The following MINAR1 variants were observed in gnomAD, a reference collection of about 807,000 sequenced individuals.
MINAR1 encodes membrane integral NOTCH2 associated receptor 1.
MINAR1 carries 40 observed loss-of-function variants against 65.1 expected under a neutral mutation model. That is an observed-to-expected ratio of 0.61 (90% CI 0.48 to 0.80). The LOEUF (loss-of-function observed/expected upper bound fraction) is 0.80, where lower values mean the gene tolerates loss of function less well. Among genes scored for constraint, MINAR1 ranks in the 30% least tolerant of loss-of-function variants. The pLI is 0.00. For synonymous variants in MINAR1, 482 were observed against 449.1 expected, an observed-to-expected ratio of 1.07 and a Z score of -0.93; for missense variants, 1,128 against 1,148.0, an observed-to-expected ratio of 0.98 and a Z score of 0.25.
At chr15:79,465,385 G>T (rs1895802652) in intron 3 of MINAR1, among the ~76,000 whole-genome samples, 1 of 152,072 alleles carries the variant, frequency 6.6e-6, no homozygotes, top group Non-Finnish European at 1.5e-5. Context: ...CCCACTTGAG[G>T]GCGTAGGCAA....
upstream of MINAR1, among the ~76,000 whole-genome samples, chr15:79,430,096 C>CGG: frequency 6.6e-6 from 1 of 152,234 alleles, no homozygotes; most frequent in African/African-American, 2.4e-5. Context: ...CTAGCCAACT[C>CGG]TGGCTGGAAC....
intron 1 of MINAR1, among the ~76,000 whole-genome samples, chr15:79,449,414 A>T (rs570806344): frequency 1.8e-4 from 28 of 152,218 alleles, no homozygotes; most frequent in Non-Finnish European, 3.7e-4. Context: ...AAGGAACAGA[A>T]ATTTACTTCT....
upstream of MINAR1, among the ~76,000 whole-genome samples, chr15:79,429,433 G>C (rs547793083): frequency 3.2e-4 from 48 of 152,300 alleles, 1 homozygote; most frequent in African/African-American, 9.6e-4. Context: ...CAAACTCAAG[G>C]CTGTTTCTTT....
chr15:79,452,874 G>T (rs1304997789), intron 1 of MINAR1, among the ~76,000 whole-genome samples: 2 of 148,084 alleles, frequency 1.4e-5, no homozygotes, highest in Admixed American at 6.7e-5. Context: ...TGAGTGTGAA[G>T]CTGTGTGAGT....
chr15:79,452,216 TGA>T (rs1322285389), intron 1 of MINAR1, among the ~76,000 whole-genome samples: 40 of 150,632 alleles, frequency 2.7e-4, no homozygotes, highest in African/African-American at 1.5e-4. Flanking sequence ...TGTGTGTGCT[TGA>T]GAGTGTGTAT....
Position 79,469,147 on chromosome 15 carries a change from T to C in MINAR1, c.*763T>C, listed in dbSNP as rs1895982838. On this transcript the variant is annotated 3_prime_UTR_variant, in exon 4 of 4. Transcript: ENST00000305428. ...GGAGCTGCCTGCTAACGATGTAAGGTCAGTATTTGAAAATCATGGCCACTC... is the reference window on the plus strand; with the variant it reads ...GGAGCTGCCTGCTAACGATGTAAGGCCAGTATTTGAAAATCATGGCCACTC... 1 of 152,660 alleles carries C rather than the reference T, an allele frequency of 6.6e-6. No individual in the cohort carries two copies. The highest frequency in any genetic ancestry group is 6.5e-5 in the Admixed American group (1 of 15,278). The allele number at this position is 152,660 out of a possible 1,614,324, so 9.5% of individuals were successfully genotyped here.
At chr15:79,420,791 A>C in the MINAR1 span, 2 of 152,380 alleles carry the variant, frequency 1.3e-5, no homozygotes, top group Admixed American at 1.3e-4. Context: ...CTTTTGGGTC[A>C]TTTTGGGGTG....
chr15:79,430,070 G>C (rs965905811), upstream of MINAR1, among the ~76,000 whole-genome samples: 4 of 152,172 alleles, frequency 2.6e-5, no homozygotes, highest in Admixed American at 1.3e-4. Context: ...TGAATCCTTT[G>C]TGTCTGTAAA....
chr15:79,441,614 C>T (rs1269858082), intron 1 of MINAR1, among the ~76,000 whole-genome samples: 3 of 151,986 alleles, frequency 2.0e-5, no homozygotes, highest in South Asian at 2.1e-4. Flanking sequence ...CAAGGGTATG[C>T]GTATTTTTCA....
At chr15:79,423,164 G>T in the MINAR1 span, 4 of 152,132 alleles carry the variant, frequency 2.6e-5, no homozygotes, top group Non-Finnish European at 4.4e-5. Flanking sequence ...AACTGCATGT[G>T]ACTCTATATG....
intron 1 of MINAR1, among the ~76,000 whole-genome samples, chr15:79,447,758 T>C (rs1368808905): frequency 1.3e-5 from 2 of 152,206 alleles, no homozygotes; most frequent in Non-Finnish European, 2.9e-5. Context: ...GGCCCCAAAA[T>C]ATTTAAGACA....
At chr15:79,417,527 C>G in the MINAR1 span, 1 of 152,108 alleles carries the variant, frequency 6.6e-6, no homozygotes, top group East Asian at 1.9e-4. Context: ...GAAAGGGCTT[C>G]CTCCTTCATT....
intron 2 of MINAR1, among the ~76,000 whole-genome samples, chr15:79,462,271 G>T (rs972118472): frequency 2.6e-5 from 4 of 152,146 alleles, no homozygotes; most frequent in African/African-American, 9.7e-5. Context: ...GTTCAAAGGC[G>T]CAAATGCTGG....
chr15:79,453,712 C>T (rs1010007769), intron 1 of MINAR1, among the ~76,000 whole-genome samples: 1 of 152,316 alleles, frequency 6.6e-6, no homozygotes, highest in East Asian at 1.9e-4. Context: ...ATCCACAGAC[C>T]TCCTACTTTC....
chr15:79,471,863 AC>A lies in MINAR1; in HGVS notation c.*3481del, dbSNP rs1896097711. The A allele has an allele frequency of 6.6e-6, 1 of 152,656 alleles. No individual in the cohort carries two copies. Among genetic ancestry groups the A allele is most frequent in the African/African-American group, 2.4e-5 (1 of 41,462 alleles). 9.5% of individuals were successfully genotyped at this position (152,656 alleles called of 1,614,324 possible). Reference sequence around the variant, plus strand: ...GAATATTGTGGTCAATTGTGTGAATACCAAATCAGTATATACTGTATACTGT... The same window carrying A: ...GAATATTGTGGTCAATTGTGTGAATACAAATCAGTATATACTGTATACTGT... On this transcript the variant is annotated 3_prime_UTR_variant, in exon 4 of 4. Coordinates refer to ENST00000305428, the MANE Select transcript of MINAR1 (RefSeq NM_015206.3).
At position 79,444,293 on chromosome 15, in the gene MINAR1, A is replaced by G. The variant is rs1591669; in HGVS notation, c.-51+11753A>G. On this transcript the variant is annotated intron_variant, in intron 1 of 3. Coordinates refer to ENST00000305428, the MANE Select transcript of MINAR1 (RefSeq NM_015206.3). ...GTAAAGTTCTCCATAAATGTTACCT[A>G]TGTTAATGTTGTTCCATTATTTATT... is the stretch of plus-strand genomic sequence containing the variant. Among the ~76,000 whole-genome samples the G allele has an allele frequency of 6.7e-3, 1,026 of 152,242 alleles. 46 individuals carry two copies. The East Asian group carries it at 0.13, about 19-fold the overall frequency.
chr15:79,423,057 AC>A, the MINAR1 span: 8 of 152,340 alleles, frequency 5.3e-5, no homozygotes, highest in African/African-American at 1.9e-4. Context: ...TAACAGCAAA[AC>A]TTTTGAAATG....
At chr15:79,434,727 C>T (rs112017599) in intron 1 of MINAR1, among the ~76,000 whole-genome samples, 1,828 of 152,296 alleles carry the variant, frequency 0.012, 40 homozygotes, top group African/African-American at 0.042. Context: ...GTTTTTGGAG[C>T]TTCCTCTGCA....
chr15:79,468,759 C>G lies in MINAR1; in HGVS notation c.*375C>G. ...AGTTATACAGAAGATATTTAATACACGCCTCTTTAGAAGAAACTAAGGGAA... is the reference window on the plus strand; with the variant it reads ...AGTTATACAGAAGATATTTAATACAGGCCTCTTTAGAAGAAACTAAGGGAA... On this transcript the variant is annotated 3_prime_UTR_variant, in exon 4 of 4. Coordinates refer to ENST00000305428, the MANE Select transcript of MINAR1 (RefSeq NM_015206.3). The G allele has an allele frequency of 4.5e-6, 1 of 223,426 alleles. No individual in the cohort carries two copies. Among genetic ancestry groups the G allele is most frequent in the Non-Finnish European group, 9.0e-6 (1 of 111,632 alleles). The allele number at this position is 223,426 out of a possible 1,614,324, so 13.8% of individuals were successfully genotyped here.
Sources: gnomAD v4.1 joint callset for allele counts (sites outside exome capture counted in the v4.1 genomes callset) on GRCh38, gnomAD v4.1.1 for gene constraint, MANE v1.5 for transcripts, NCBI Gene and HGNC (gene_info 2026-07-23, HGNC 2026-07-21) for gene names.